NREP: variants seen among roughly 807,000 people sequenced by gnomAD.
NREP encodes neuronal regeneration-related protein.
NREP carries 5 observed loss-of-function variants against 8.6 expected under a neutral mutation model. The observed-to-expected ratio is 0.58, with a 90% confidence interval of 0.30 to 1.22. The LOEUF (loss-of-function observed/expected upper bound fraction) is 1.22, where lower values mean the gene tolerates loss of function less well. NREP is among the 50% of genes most tolerant of loss of function. NREP has a pLI of 0.07. For synonymous variants in NREP, 27 were observed against 28.0 expected (o/e 0.96, Z 0.11); for missense variants, 86 against 82.5 (o/e 1.04, Z -0.17).
chr5:111,841,315 T>G (rs1290574939), intron 2 of NREP, among the ~76,000 whole-genome samples: 2 of 152,186 alleles, frequency 1.3e-5, no homozygotes, highest in Non-Finnish European at 2.9e-5. Context: ...GTTAACTACT[T>G]TGTACTTTCA....
intron 2 of NREP, among the ~76,000 whole-genome samples, chr5:111,834,148 G>A (rs1752839523): frequency 6.6e-6 from 1 of 152,140 alleles, no homozygotes; most frequent in African/African-American, 2.4e-5. Context: ...GCAAATGCTG[G>A]GAGATACTAG....
chr5:111,964,196 A>G (rs557346921), intron 2 of NREP, among the ~76,000 whole-genome samples: 51 of 152,360 alleles, frequency 3.3e-4, no homozygotes, highest in African/African-American at 1.2e-3. Context: ...TGCTTATTAA[A>G]TAGAATCACA....
chr5:111,922,137 A>T (rs1755257285), intron 2 of NREP, among the ~76,000 whole-genome samples: 1 of 152,160 alleles, frequency 6.6e-6, no homozygotes. Context: ...GGTATTTCTT[A>T]TCCATAGTAG....
At chr5:111,897,363 C>A (rs558069563) in intron 2 of NREP, among the ~76,000 whole-genome samples, 1 of 152,320 alleles carries the variant, frequency 6.6e-6, no homozygotes, top group African/African-American at 2.4e-5. Context: ...GTGCATTCTA[C>A]AAGGCAACTC....
intron 2 of NREP, among the ~76,000 whole-genome samples, chr5:111,872,909 T>C (rs545649028): frequency 2.2e-4 from 34 of 152,168 alleles, no homozygotes; most frequent in Non-Finnish European, 4.7e-4. Flanking sequence ...ACAAAATTCC[T>C]GGAAATGGCT....
At chr5:111,916,252 G>C (rs1755054630) in intron 2 of NREP, among the ~76,000 whole-genome samples, 1 of 151,846 alleles carries the variant, frequency 6.6e-6, no homozygotes, top group African/African-American at 2.4e-5. Context: ...GGACTACCGA[G>C]AGAGAGAGAA....
chr5:111,936,601 A>G (rs1341221293), intron 2 of NREP, among the ~76,000 whole-genome samples: 1 of 152,082 alleles, frequency 6.6e-6, no homozygotes, highest in Non-Finnish European at 1.5e-5. Context: ...ATAAATTCAC[A>G]TTCTGAGATT....
chr5:111,799,542 C>T (rs1695546), intron 2 of NREP, among the ~76,000 whole-genome samples: 16,827 of 152,162 alleles, frequency 0.11, 1,021 homozygotes, highest in East Asian at 0.24. Flanking sequence ...TTGTTTTCTC[C>T]CTTTTTTGTA....
At chr5:111,909,374 G>A (rs1057198112) in intron 2 of NREP, among the ~76,000 whole-genome samples, 1 of 151,992 alleles carries the variant, frequency 6.6e-6, no homozygotes, top group Non-Finnish European at 1.5e-5. Flanking sequence ...AATGAGTTAG[G>A]TTGCATATTT....
At chr5:111,926,699 C>T (rs924487156) in intron 2 of NREP, among the ~76,000 whole-genome samples, 6 of 151,892 alleles carry the variant, frequency 4.0e-5, no homozygotes, top group African/African-American at 7.3e-5. Flanking sequence ...GTTTGTTACC[C>T]ATCTAGAAAG....
intron 2 of NREP, among the ~76,000 whole-genome samples, chr5:111,935,483 G>C (rs1167565352): frequency 6.6e-6 from 1 of 151,982 alleles, no homozygotes; most frequent in African/African-American, 2.4e-5. Flanking sequence ...AACAAATGAA[G>C]TCTTACTCCT....
chr5:111,875,777 T>A (rs1753892448), intron 2 of NREP, among the ~76,000 whole-genome samples: 2 of 152,178 alleles, frequency 1.3e-5, no homozygotes, highest in Non-Finnish European at 2.9e-5. Flanking sequence ...GTTGTCTGGG[T>A]GACAACTGAA....
intron 2 of NREP, among the ~76,000 whole-genome samples, chr5:111,821,429 A>C (rs1289105524): frequency 6.6e-6 from 1 of 152,202 alleles, no homozygotes; most frequent in Non-Finnish European, 1.5e-5. Flanking sequence ...TACATGAAAA[A>C]CAAAACTTTT....
intron 2 of NREP, among the ~76,000 whole-genome samples, chr5:111,920,450 C>G (rs1314955787): frequency 6.6e-6 from 1 of 152,026 alleles, no homozygotes; most frequent in Non-Finnish European, 1.5e-5. Context: ...CTTAATGAAA[C>G]CTGCCTCATT....
chr5:111,729,331 C>CAAAT lies in NREP; in HGVS notation c.*1586_*1589dup, dbSNP rs1748346961. 6.6e-6 allele frequency: 1 copy of CAAAT among 152,170 alleles called. No individual in the cohort carries two copies. The highest frequency in any genetic ancestry group is 2.1e-4 in the South Asian group (1 of 4,838). 9.4% of individuals were successfully genotyped at this position (152,170 alleles called of 1,614,324 possible). ...CCTTACAGCTTGCGTATTTATTGAA[C>CAAAT]AAATACTACTAAAATAGCTAAAATA... On this transcript the variant is annotated 3_prime_UTR_variant, in exon 4 of 4. Transcript: ENST00000257435.
intron 2 of NREP, among the ~76,000 whole-genome samples, chr5:111,940,588 C>A (rs554688302): frequency 6.6e-6 from 1 of 152,062 alleles, no homozygotes; most frequent in Non-Finnish European, 1.5e-5. Flanking sequence ...CCACTCATCA[C>A]CCAACTACTC....
At chr5:111,836,002 A>T (rs962023751) in intron 2 of NREP, among the ~76,000 whole-genome samples, 1 of 152,118 alleles carries the variant, frequency 6.6e-6, no homozygotes, top group South Asian at 2.1e-4. Context: ...TGGCACTAGG[A>T]GGTGAAAAAG....
intron 2 of NREP, among the ~76,000 whole-genome samples, chr5:111,939,120 T>C (rs1275364764): frequency 6.6e-6 from 1 of 152,006 alleles, no homozygotes; most frequent in Non-Finnish European, 1.5e-5. Flanking sequence ...TTCCTTCCTT[T>C]TTCTACCCTC....
chr5:111,759,074 G>C (rs1750894484), upstream of NREP, among the ~76,000 whole-genome samples: 1 of 152,220 alleles, frequency 6.6e-6, no homozygotes, highest in African/African-American at 2.4e-5. Flanking sequence ...CAGTTTACCA[G>C]CCAGGGAAGT....
Sources: allele counts gnomAD v4.1 joint callset (sites outside exome capture counted in the v4.1 genomes callset), GRCh38; gene constraint gnomAD v4.1.1; transcripts MANE v1.5; gene names NCBI Gene and HGNC (gene_info 2026-07-23, HGNC 2026-07-21).